CACNA1A: variants seen among roughly 807,000 people sequenced by gnomAD.
The protein encoded by CACNA1A is voltage-dependent P/Q-type calcium channel subunit alpha-1A.
CACNA1A carries 57 observed loss-of-function variants against 262.4 expected under a neutral mutation model. That is an observed-to-expected ratio of 0.22 (90% CI 0.18 to 0.27). CACNA1A has a LOEUF of 0.27. CACNA1A is among the 10% of genes least tolerant of loss of function. The pLI is 1.00. For synonymous variants in CACNA1A, 1,431 were observed against 1,419.3 expected (o/e 1.01, Z -0.18); for missense variants, 2,526 against 3,562.8 (o/e 0.71, Z 7.41).
At chr19:13,276,484 G>A (rs1010286946) in intron 23 of CACNA1A, among the ~76,000 whole-genome samples, 5 of 152,052 alleles carry the variant, frequency 3.3e-5, no homozygotes, top group African/African-American at 9.7e-5. Context: ...AGTAAGAGCC[G>A]AAGAGCCCTC....
At chr19:13,360,956 TG>T (rs1340255960) in intron 5 of CACNA1A, among the ~76,000 whole-genome samples, 1 of 152,232 alleles carries the variant, frequency 6.6e-6, no homozygotes, top group East Asian at 1.9e-4. Flanking sequence ...TGACCTCTGT[TG>T]AGACAAACTT....
chr19:13,498,978 C>T (rs546809243), intron 1 of CACNA1A, among the ~76,000 whole-genome samples: 60 of 152,280 alleles, frequency 3.9e-4, no homozygotes, highest in African/African-American at 1.4e-3. Context: ...GCTGTGCCCA[C>T]TCATGGTTCC....
chr19:13,267,147 AAAGAG>A (rs1342946251), intron 24 of CACNA1A, among the ~76,000 whole-genome samples: 1 of 152,028 alleles, frequency 6.6e-6, no homozygotes, highest in African/African-American at 2.4e-5. Flanking sequence ...AGAGAGAGAG[AAAGAG>A]AGAGAGAGAG....
chr19:13,442,876 C>A (rs963836004), intron 3 of CACNA1A, among the ~76,000 whole-genome samples: 1 of 152,146 alleles, frequency 6.6e-6, no homozygotes, highest in African/African-American at 2.4e-5. Context: ...TTCAAATTCT[C>A]AAGTTTATTT....
intron 1 of CACNA1A, among the ~76,000 whole-genome samples, chr19:13,499,882 TTC>T (rs1335902935): frequency 6.6e-6 from 1 of 152,062 alleles, no homozygotes; most frequent in Non-Finnish European, 1.5e-5. Context: ...CTCTGATCAT[TTC>T]TGGATGGAGT....
chr19:13,418,873 C>A lies in CACNA1A; in HGVS notation c.539+34003G>T, dbSNP rs182567434. On this transcript the variant is annotated intron_variant, in intron 3 of 46. Transcript: ENST00000360228. The stretch of plus-strand genomic sequence containing the variant: ...GGTTATAACTGTATTTTTACTGTAC[C>A]TTTTCTGTTTAGATATGTTTTTTAT... 2.0e-5 allele frequency among the ~76,000 whole-genome samples: 3 copies of A among 152,120 alleles called. No individual in the cohort carries two copies. In the East Asian group the frequency reaches 5.8e-4, roughly 29 times the overall value.
intron 9 of CACNA1A, 119 bp from the exon 10 acceptor site, chr19:13,330,452 T>C (rs539197593): frequency 2.0e-5 from 15 of 746,550 alleles, no homozygotes; most frequent in African/African-American, 1.6e-4. Context: ...CGGGAACTAA[T>C]AGTATACCCA....
At chr19:13,490,715 A>AAGAG (rs1568700642) in intron 1 of CACNA1A, among the ~76,000 whole-genome samples, 10 of 141,844 alleles carry the variant, frequency 7.1e-5, no homozygotes, top group Admixed American at 5.0e-4. Flanking sequence ...GAAAGAAAGA[A>AAGAG]AGAAAGAAAG....
At chr19:13,251,472 C>A (rs1364178568) in intron 30 of CACNA1A, among the ~76,000 whole-genome samples, 3 of 152,052 alleles carry the variant, frequency 2.0e-5, no homozygotes, top group Non-Finnish European at 2.9e-5. Flanking sequence ...AACAGCGAGA[C>A]TGTCTCAAAC....
In CACNA1A at chr19:13,298,721, T is replaced by C; in HGVS notation, c.2912A>G (p.Asp971Gly). Residue 971 changes from aspartate (D) to glycine (G), a missense_variant, in exon 19 of 47, where the codon GAC becomes GGC. By Grantham distance (94) the Asp-to-Gly change is moderately conservative. Transcript: ENST00000360228. The stretch of plus-strand genomic sequence containing the variant: ...GTGCCGCGCCCTCCGCTCCGCCTTG[T>C]CCTCCGGACCCTCCTCCCCGGGCCT... ...HRRPGEEGPE[D>G]KAERRARHRE... 1 of 1,490,526 alleles carries C rather than the reference T, an allele frequency of 6.7e-7. No individual in the cohort carries two copies. Among genetic ancestry groups the C allele is most frequent in the Non-Finnish European group, 8.9e-7 (1 of 1,124,740 alleles). The allele number at this position is 1,490,526 out of a possible 1,614,324, so 92.3% of individuals were successfully genotyped here.
intron 1 of CACNA1A, among the ~76,000 whole-genome samples, chr19:13,498,315 C>T (rs1009059245): frequency 2.0e-5 from 3 of 151,958 alleles, no homozygotes; most frequent in South Asian, 2.1e-4. Context: ...AAATGCTGTT[C>T]GTATGAAAAT....
chr19:13,437,852 G>A (rs2060640959), intron 3 of CACNA1A, among the ~76,000 whole-genome samples: 2 of 152,070 alleles, frequency 1.3e-5, no homozygotes, highest in African/African-American at 4.8e-5. Flanking sequence ...CTGATCAGGA[G>A]TGGGTAACAT....
intron 22 of CACNA1A, among the ~76,000 whole-genome samples, chr19:13,278,985 AGCCTGGTCAAAG>A (rs2057220103): frequency 6.6e-6 from 1 of 152,148 alleles, no homozygotes; most frequent in South Asian, 2.1e-4. Flanking sequence ...CAGTGGGCAC[AGCCTGGTCAAAG>A]GCCTGGTGGT....
chr19:13,415,160 G>A (rs1187653994), intron 3 of CACNA1A, among the ~76,000 whole-genome samples: 1 of 151,992 alleles, frequency 6.6e-6, no homozygotes, highest in East Asian at 1.9e-4. Context: ...TTCAGAGTAG[G>A]AATCAGGGCA....
intron 3 of CACNA1A, among the ~76,000 whole-genome samples, chr19:13,405,440 A>T (rs1299605016): frequency 6.6e-6 from 1 of 152,096 alleles, no homozygotes; most frequent in African/African-American, 2.4e-5. Flanking sequence ...TCCCGTGCTC[A>T]AGCAATCAGC....
intron 26 of CACNA1A, 121 bp from the exon 27 acceptor site, chr19:13,259,822 G>C: frequency 7.7e-6 from 8 of 1,035,252 alleles, no homozygotes; most frequent in Non-Finnish European, 1.1e-5. Context: ...GACTGCTTGG[G>C]AAGCAGTGAC....
At chr19:13,381,386 G>T (rs985039869) in intron 3 of CACNA1A, among the ~76,000 whole-genome samples, 1 of 144,676 alleles carries the variant, frequency 6.9e-6, no homozygotes, top group South Asian at 2.1e-4. Flanking sequence ...AAGACAGAGC[G>T]AGACCCTGTA....
chr19:13,499,307 T>G (rs193154606), intron 1 of CACNA1A, among the ~76,000 whole-genome samples: 18 of 152,070 alleles, frequency 1.2e-4, no homozygotes, highest in African/African-American at 4.3e-4. Flanking sequence ...CTCAAGGGAA[T>G]AGAAAAATGG....
chr19:13,240,258 T>C (rs2056029672), intron 31 of CACNA1A, among the ~76,000 whole-genome samples: 1 of 152,042 alleles, frequency 6.6e-6, no homozygotes, highest in African/African-American at 2.4e-5. Context: ...TGACTGTGTG[T>C]TCAGTGTGTG....
Sources: gnomAD v4.1 joint callset for allele counts (sites outside exome capture counted in the v4.1 genomes callset) on GRCh38, gnomAD v4.1.1 for gene constraint, MANE v1.5 for transcripts, NCBI Gene and HGNC (gene_info 2026-07-23, HGNC 2026-07-21) for gene names.